Variants in ZNF37A observed in about 807,000 individuals in gnomAD.
The protein encoded by ZNF37A is zinc finger protein 37A, also known as zinc finger protein 37a (KOX 21).
In ZNF37A, 10 loss-of-function variants were observed where a neutral mutation model predicts 12.3. That is an observed-to-expected ratio of 0.82 (90% confidence interval 0.50 to 1.38). The LOEUF (loss-of-function observed/expected upper bound fraction) is 1.38, where lower values mean the gene tolerates loss of function less well. ZNF37A is among the 40% of genes most tolerant of loss of function. The probability of loss-of-function intolerance (pLI) is 0.00; values close to 1 mark genes in which losing one functional copy is unlikely to be tolerated. For synonymous variants in ZNF37A, 207 were observed against 223.0 expected (o/e 0.93, Z 0.64); for missense variants, 580 against 651.2 (o/e 0.89, Z 1.19).
chr10:38,115,107 G>GTGTGTGTGTGTGTGTGTGTA (rs760818353), intron 6 of ZNF37A, 88 bp from the exon 7 acceptor site: 40 of 917,310 alleles, frequency 4.4e-5, no homozygotes, highest in Middle Eastern at 3.3e-4. Context: ...GTGTGTGTGT[G>GTGTGTGTGTGTGTGTGTGTA]TGTGTGTGTA....
Position 38,114,872 on chromosome 10 carries a change from G to GTCTCA in ZNF37A, c.134_138dup (p.Val47SerfsTer3). On this transcript the variant is annotated frameshift_variant, in exon 6 of 8. Coordinates refer to ENST00000685332, the MANE Select transcript of ZNF37A (RefSeq NM_001324250.3). LOFTEE classifies it high-confidence loss of function. ...GATGCTGGAGAACTACAGCCACCTT[G>GTCTCA]TCTCAGTAGGTAGGTAGGAATTGTT... 1.2e-6 allele frequency: 2 copies of GTCTCA among 1,612,044 alleles called. No homozygotes were observed. The highest frequency in any genetic ancestry group is 1.7e-6 in the Non-Finnish European group (2 of 1,179,234).
chr10:38,117,331 A>G lies in ZNF37A; in HGVS notation c.239-59A>G. ...GAGCCATGCCTTCAAATATAATGCT[A>G]AGTTTATTTCTCTTACATATCCTCG... On this transcript the variant is annotated intron_variant, in intron 7 of 7. Transcript: ENST00000685332. The G allele has an allele frequency of 2.6e-6, 4 of 1,524,066 alleles. No individual in the cohort carries two copies. The South Asian group carries it at 5.5e-5, about 21-fold the overall frequency. 94.4% of individuals were successfully genotyped at this position (1,524,066 alleles called of 1,614,324 possible). A position where few individuals can be genotyped will look rare whatever the true frequency, so the allele number is the denominator to read the frequency against.
At position 38,118,920 on chromosome 10, in the gene ZNF37A, A is replaced by C. The variant is rs2069520544; in HGVS notation, c.*83A>C. 6.7e-7 allele frequency: 1 copy of C among 1,482,372 alleles called. No homozygotes were observed. Among genetic ancestry groups the C allele is most frequent in the Non-Finnish European group, 8.9e-7 (1 of 1,120,298 alleles). 91.8% of individuals were successfully genotyped at this position (1,482,372 alleles called of 1,614,324 possible). ...GATAATGAGAACACCTTTGCCCTGA[A>C]GTCAGTTCTCACAGTATAGAAGAGA... On this transcript the variant is annotated 3_prime_UTR_variant, in exon 8 of 8. Coordinates refer to ENST00000685332, the MANE Select transcript of ZNF37A (RefSeq NM_001324250.3).
intron 5 of ZNF37A, among the ~76,000 whole-genome samples, chr10:38,099,134 G>GT (rs1345727806): frequency 3.3e-5 from 5 of 152,096 alleles, no homozygotes; most frequent in Admixed American, 3.3e-4. Context: ...TTTATTGTTA[G>GT]TTTTTTGTTT....
At chr10:38,116,755 G>A (rs550385484) in intron 7 of ZNF37A, among the ~76,000 whole-genome samples, 24 of 152,290 alleles carry the variant, frequency 1.6e-4, no homozygotes, top group African/African-American at 5.8e-4. Flanking sequence ...AGGATGGCTT[G>A]TTCACTCACT....
At chr10:38,101,284 C>G (rs2067547403) in intron 5 of ZNF37A, among the ~76,000 whole-genome samples, 1 of 151,638 alleles carries the variant, frequency 6.6e-6, no homozygotes, top group Admixed American at 6.6e-5. Context: ...CCAATGTGTT[C>G]TGTCATGAGT....
Position 38,118,841 on chromosome 10 carries a change from C to A in ZNF37A, c.*4C>A. 6.4e-7 allele frequency: 1 copy of A among 1,556,570 alleles called. No individual in the cohort carries two copies. The highest frequency in any genetic ancestry group is 1.3e-5 in the South Asian group (1 of 79,622). On this transcript the variant is annotated 3_prime_UTR_variant, in exon 8 of 8. Coordinates refer to ENST00000685332, the MANE Select transcript of ZNF37A (RefSeq NM_001324250.3). ...CGAGGGAAATTACTCTGGGTGAAGT[C>A]AGAACTTTGTAGAACACAGAACATA... is the stretch of plus-strand genomic sequence containing the variant.
intron 7 of ZNF37A, among the ~76,000 whole-genome samples, chr10:38,130,983 T>G (rs1473690992): frequency 1.3e-5 from 2 of 152,334 alleles, no homozygotes; most frequent in Admixed American, 6.5e-5. Flanking sequence ...AGTGCTTGTT[T>G]GTCATTTGTG....
At chr10:38,101,220 T>A (rs181136477) in intron 5 of ZNF37A, among the ~76,000 whole-genome samples, 7 of 152,320 alleles carry the variant, frequency 4.6e-5, no homozygotes, top group African/African-American at 1.7e-4. Context: ...GCCTGTGGTT[T>A]TTGGTATTAT....
intron 4 of ZNF37A, 40 bp from the exon 5 acceptor site, chr10:38,096,534 A>G: frequency 6.8e-7 from 1 of 1,473,058 alleles, no homozygotes; most frequent in Non-Finnish European, 9.3e-7. Context: ...GGACCTTTTA[A>G]GGCAAGTGAC....
chr10:38,146,518 A>C (rs2070256832), intron 7 of ZNF37A, among the ~76,000 whole-genome samples: 1 of 152,164 alleles, frequency 6.6e-6, no homozygotes, highest in African/African-American at 2.4e-5. Context: ...ATCCCGAGAG[A>C]CAATGACAAA....
intron 7 of ZNF37A, among the ~76,000 whole-genome samples, chr10:38,145,725 C>T (rs2070244485): frequency 6.6e-6 from 1 of 152,100 alleles, no homozygotes. Context: ...AAACTAATAC[C>T]AGAAATGTTC....
At chr10:38,129,319 A>AAAAAAAAAAAAAAAAAAAAAAAAAAAT, downstream of ZNF37A, among the ~76,000 whole-genome samples, 1 of 116,228 alleles carries the variant, frequency 8.6e-6, no homozygotes, top group African/African-American at 3.6e-5. Flanking sequence ...AAAAAAAAAA[A>AAAAAAAAAAAAAAAAAAAAAAAAAAAT]AAACTATTAT....
At chr10:38,096,428 G>C in intron 4 of ZNF37A, 146 bp from the exon 5 acceptor site, 2 of 515,092 alleles carry the variant, frequency 3.9e-6, no homozygotes, top group Non-Finnish European at 6.8e-6. Context: ...TTTTACATTT[G>C]AAAACTAATG....
At chr10:38,104,060 T>A (rs550609848) in intron 5 of ZNF37A, among the ~76,000 whole-genome samples, 2 of 152,212 alleles carry the variant, frequency 1.3e-5, no homozygotes, top group Admixed American at 6.5e-5. Context: ...TGATCTCAAT[T>A]CCCTGCTTTA....
In ZNF37A at chr10:38,114,778, G is replaced by A. The variant is rs1260913499; in HGVS notation, c.39G>A (p.Val13=). The stretch of plus-strand genomic sequence containing the variant: ...AGGGATCAGTGTCGTTTAGGGATGT[G>A]ACTGTGGGCTTCACTCAAGAGGAGT... ...TSQGSVSFRD[V]TVGFTQEEWQ... The change falls in exon 6 of 8, where the codon GTG becomes GTA. Residue 13 remains valine (V), a synonymous_variant. Coordinates refer to ENST00000685332, the MANE Select transcript of ZNF37A (RefSeq NM_001324250.3). 1 of 1,613,986 alleles carries A rather than the reference G, an allele frequency of 6.2e-7. No individual in the cohort carries two copies. The highest frequency in any genetic ancestry group is 8.5e-7 in the Non-Finnish European group (1 of 1,179,976).
intron 7 of ZNF37A, among the ~76,000 whole-genome samples, chr10:38,144,804 G>T (rs1203580760): frequency 2.0e-5 from 3 of 152,020 alleles, no homozygotes; most frequent in African/African-American, 7.2e-5. Context: ...CATGGGTGTG[G>T]TTTAAACCAC....
intron 5 of ZNF37A, among the ~76,000 whole-genome samples, chr10:38,105,017 T>TTTG (rs2067938627): frequency 6.6e-6 from 1 of 151,816 alleles, no homozygotes; most frequent in African/African-American, 2.4e-5. Context: ...CTTTTTTTTT[T>TTTG]TTTTTGAGAT....
At chr10:38,107,692 A>G (rs1289931451) in intron 5 of ZNF37A, among the ~76,000 whole-genome samples, 4 of 152,106 alleles carry the variant, frequency 2.6e-5, no homozygotes, top group African/African-American at 9.7e-5. Context: ...CAAAAGAAGC[A>G]GGTGTTACAA....
Sources: allele counts gnomAD v4.1 joint callset (sites outside exome capture counted in the v4.1 genomes callset), GRCh38; gene constraint gnomAD v4.1.1; transcripts MANE v1.5; gene names NCBI Gene and HGNC (gene_info 2026-07-23, HGNC 2026-07-21).